Variants in MGA observed in about 807,000 individuals in gnomAD.
MGA encodes the protein MAX gene-associated protein.
A neutral mutation model predicts 261.1 loss-of-function variants in MGA; 40 were observed. The ratio of observed to expected loss-of-function variants is 0.15; its 90% CI spans 0.12 to 0.20. The LOEUF is 0.20. MGA is among the 10% of genes least tolerant of loss of function. MGA has a pLI of 1.00. For missense variants in MGA, 3,397 were observed against 3,630.5 expected, an observed-to-expected ratio of 0.94 and a Z score of 1.65; for synonymous variants, 1,302 against 1,290.6, an observed-to-expected ratio of 1.01 and a Z score of -0.19.
chr15:41,621,783 TTCCCCGGC>T (rs2056295395), intron 1 of MGA, among the ~76,000 whole-genome samples: 1 of 152,054 alleles, frequency 6.6e-6, no homozygotes, highest in Non-Finnish European at 1.5e-5. Context: ...ACCCACAGCT[TTCCCCGGC>T]GCCCCGGGGT....
chr15:41,670,072 C>T (rs1221113433), intron 2 of MGA, 114 bp downstream of exon 2: 3 of 830,584 alleles, frequency 3.6e-6, no homozygotes, highest in Non-Finnish European at 5.5e-6. Flanking sequence ...ATGTAAGCCA[C>T]TATAAAATAT....
chr15:41,724,116 T>G (rs967479132), intron 9 of MGA, among the ~76,000 whole-genome samples: 6 of 152,228 alleles, frequency 3.9e-5, no homozygotes, highest in African/African-American at 1.4e-4. Flanking sequence ...CAAGATGTCT[T>G]GCTTGCCCTA....
chr15:41,743,598 C>T (rs1231311981), intron 15 of MGA, among the ~76,000 whole-genome samples: 1 of 152,136 alleles, frequency 6.6e-6, no homozygotes, highest in Non-Finnish European at 1.5e-5. Context: ...TGGGAGGAAA[C>T]ATGACCTGTG....
chr15:41,654,547 TGCCCTTCATGTAAA>T (rs1014245068), intron 1 of MGA, among the ~76,000 whole-genome samples: 3 of 152,230 alleles, frequency 2.0e-5, no homozygotes, highest in East Asian at 3.8e-4. Context: ...GAGGCAGTAT[TGCCCTTCATGTAAA>T]GGAAGGATGG....
chr15:41,704,245 G>T (rs1293611731), intron 5 of MGA, among the ~76,000 whole-genome samples: 2 of 151,628 alleles, frequency 1.3e-5, no homozygotes, highest in Non-Finnish European at 2.9e-5. Flanking sequence ...GGGTCTCCCA[G>T]TTTTGCCTAG....
rs531599920 is a variant in MGA at position 41,717,366 on chromosome 15, G to GA, written c.3430+3878dup. Among the ~76,000 whole-genome samples, 770 of 151,418 alleles carry GA rather than the reference G, an allele frequency of 5.1e-3. 3 individuals carry two copies. The highest frequency in any genetic ancestry group is 0.01 in the Middle Eastern group (3 of 294). On this transcript the variant is annotated intron_variant, in intron 9 of 23. Coordinates refer to ENST00000219905, the MANE Select transcript of MGA (RefSeq NM_001164273.2). The stretch of plus-strand genomic sequence containing the variant: ...TATACCTATAAATTAACAATATAAA[G>GA]AAAAAAAATCAATAAAATTGATACT...
chr15:41,635,733 A>G (rs1221568663), intron 1 of MGA, among the ~76,000 whole-genome samples: 5 of 152,162 alleles, frequency 3.3e-5, no homozygotes, highest in Non-Finnish European at 7.4e-5. Flanking sequence ...CCCAGCTACA[A>G]ATACATTCAT....
intron 2 of MGA, among the ~76,000 whole-genome samples, chr15:41,685,024 A>G (rs1010950010): frequency 6.6e-6 from 1 of 152,202 alleles, no homozygotes; most frequent in African/African-American, 2.4e-5. Flanking sequence ...GTAAAGTTTT[A>G]AAAAAATTGA....
intron 8 of MGA, among the ~76,000 whole-genome samples, chr15:41,712,548 G>A (rs2060441795): frequency 6.6e-6 from 1 of 152,092 alleles, no homozygotes; most frequent in African/African-American, 2.4e-5. Flanking sequence ...TTTCCATTTT[G>A]TAATTCTATG....
At chr15:41,739,844 A>C (rs561000021) in intron 13 of MGA, 62 bp from the exon 14 acceptor site, 1 of 1,516,164 alleles carries the variant, frequency 6.6e-7, no homozygotes, top group South Asian at 1.2e-5. Context: ...GCCCCTGTCA[A>C]GGGAGAGGAG....
chr15:41,654,900 A>T (rs1405217623), intron 1 of MGA, among the ~76,000 whole-genome samples: 1 of 152,196 alleles, frequency 6.6e-6, no homozygotes, highest in Non-Finnish European at 1.5e-5. Context: ...TTTCTTGTAG[A>T]TGAATATATA....
chr15:41,727,226 A>G lies in MGA; in HGVS notation c.3477A>G (p.Leu1159=), dbSNP rs2061298778. 1 of 1,613,936 alleles carries G rather than the reference A, an allele frequency of 6.2e-7. No homozygotes were observed. The highest frequency in any genetic ancestry group is 2.2e-5 in the East Asian group (1 of 44,862). ...AACAGCCTGTTCGACATTACCCATT[A>G]TGGGTAAAAGTAGAAGGTGAAGTAG... The change falls in exon 10 of 24, where the codon TTA becomes TTG. Residue 1159 remains leucine (L), a synonymous_variant. Coordinates refer to ENST00000219905, the MANE Select transcript of MGA (RefSeq NM_001164273.2).
At chr15:41,719,294 C>T (rs1480407663) in intron 9 of MGA, among the ~76,000 whole-genome samples, 1 of 152,062 alleles carries the variant, frequency 6.6e-6, no homozygotes, top group East Asian at 1.9e-4. Context: ...TCAGAAGACA[C>T]TCTTGGTAAG....
intron 2 of MGA, among the ~76,000 whole-genome samples, chr15:41,676,308 G>A (rs766109260): frequency 5.9e-5 from 9 of 151,912 alleles, no homozygotes; most frequent in African/African-American, 1.2e-4. Context: ...TCAGCCTCCC[G>A]AGTAGCTGGG....
chr15:41,631,125 C>T (rs901369708), intron 1 of MGA, among the ~76,000 whole-genome samples: 1 of 152,094 alleles, frequency 6.6e-6, no homozygotes, highest in Admixed American at 6.6e-5. Flanking sequence ...GCAATATATC[C>T]GTAAGTGCAA....
At position 41,749,380 on chromosome 15, in the gene MGA, AGCTCAG is replaced by A; in HGVS notation, c.5775_5780del (p.Ser1925_Gly1927delinsArg). On this transcript the variant is annotated inframe_deletion, in exon 17 of 24. Transcript: ENST00000219905. ...AGGCTCTGAAACCAAAATAACTTATAGCTCAGGAGGACAGCCTGTTGGTACAGCCAG... is the reference window on the plus strand; with the variant it reads ...AGGCTCTGAAACCAAAATAACTTATAGAGGACAGCCTGTTGGTACAGCCAG... The A allele has an allele frequency of 6.2e-7, 1 of 1,614,002 alleles. No homozygotes were observed. The highest frequency in any genetic ancestry group is 8.5e-7 in the Non-Finnish European group (1 of 1,179,884).
rs553757849 is a variant in MGA, at chr15:41,743,909, G to A, written c.5212+737G>A. On this transcript the variant is annotated intron_variant, in intron 15 of 23. Coordinates refer to ENST00000219905, the MANE Select transcript of MGA (RefSeq NM_001164273.2). ...TTGAAATAGGAATATCCTACACTTTGTGTAGTTTTTATATCCAGATGCAAC... is the reference window on the plus strand; with the variant it reads ...TTGAAATAGGAATATCCTACACTTTATGTAGTTTTTATATCCAGATGCAAC... 3.0e-3 allele frequency among the ~76,000 whole-genome samples: 458 copies of A among 152,246 alleles called. 1 individual carries two copies. Among genetic ancestry groups the A allele is most frequent in the Middle Eastern group, 0.014 (4 of 294 alleles).
chr15:41,637,604 A>G (rs2056736531), intron 1 of MGA, among the ~76,000 whole-genome samples: 1 of 152,188 alleles, frequency 6.6e-6, no homozygotes, highest in Non-Finnish European at 1.5e-5. Context: ...GAGGGGCTAT[A>G]AAGTTCCCCC....
intron 1 of MGA, among the ~76,000 whole-genome samples, chr15:41,661,900 T>G (rs2057426579): frequency 6.6e-6 from 1 of 152,068 alleles, no homozygotes; most frequent in Admixed American, 6.5e-5. Flanking sequence ...AGAGCGATCA[T>G]CGGGTTCCGG....
Sources: gnomAD v4.1 joint callset for allele counts (sites outside exome capture counted in the v4.1 genomes callset) on GRCh38, gnomAD v4.1.1 for gene constraint, MANE v1.5 for transcripts, NCBI Gene and HGNC (gene_info 2026-07-23, HGNC 2026-07-21) for gene names.